Variants in CEP192 observed in about 807,000 individuals in gnomAD.
The protein encoded by CEP192 is centrosomal protein 192.
CEP192 carries 151 observed loss-of-function variants against 271.8 expected under a neutral mutation model. The observed-to-expected ratio is 0.56, with a 90% CI of 0.49 to 0.64. The LOEUF is 0.64. Among genes scored for constraint, CEP192 ranks in the 30% least tolerant of loss-of-function variants. The pLI, the probability that CEP192 is intolerant of heterozygous loss-of-function variation, is 0.00. For synonymous variants in CEP192, 995 were observed against 1,076.5 expected, an observed-to-expected ratio of 0.92 and a Z score of 1.48; for missense variants, 2,910 against 3,020.5, an observed-to-expected ratio of 0.96 and a Z score of 0.86.
chr18:13,124,220 G>A (rs779653985), intron 44 of CEP192, among the ~76,000 whole-genome samples: 2 of 152,108 alleles, frequency 1.3e-5, no homozygotes, highest in Non-Finnish European at 2.9e-5. Context: ...TAATGATAGG[G>A]TTGGGACAAG....
intron 30 of CEP192, among the ~76,000 whole-genome samples, chr18:13,080,013 G>C (rs1333112044): frequency 1.3e-5 from 2 of 152,136 alleles, no homozygotes; most frequent in African/African-American, 4.8e-5. Flanking sequence ...TTTGGTACCA[G>C]TACCATGCTG....
intron 36 of CEP192, among the ~76,000 whole-genome samples, chr18:13,098,232 C>T (rs1449902931): frequency 6.6e-6 from 1 of 151,942 alleles, no homozygotes; most frequent in African/African-American, 2.4e-5. Context: ...CGGGCAGAGG[C>T]ACCCCTCACC....
intron 30 of CEP192, among the ~76,000 whole-genome samples, chr18:13,082,775 A>G (rs1431303152): frequency 6.6e-6 from 1 of 151,998 alleles, no homozygotes; most frequent in Non-Finnish European, 1.5e-5. Flanking sequence ...GTTCCTTTCC[A>G]TGTTTAGTGC....
intron 40 of CEP192, among the ~76,000 whole-genome samples, chr18:13,106,555 AC>A (rs1383450667): frequency 1.4e-5 from 2 of 143,682 alleles, no homozygotes; most frequent in African/African-American, 5.5e-5. Context: ...CTCCCACACA[AC>A]CCTCAATAAC....
chr18:13,009,160 G>C, intron 4 of CEP192, among the ~76,000 whole-genome samples: 1 of 152,032 alleles, frequency 6.6e-6, no homozygotes, highest in South Asian at 2.1e-4. Flanking sequence ...TCCTGGCTTC[G>C]ATGTATTCAT....
intron 44 of CEP192, among the ~76,000 whole-genome samples, chr18:13,118,495 TC>T (rs2040530322): frequency 6.6e-6 from 1 of 152,184 alleles, no homozygotes; most frequent in Non-Finnish European, 1.5e-5. Flanking sequence ...TTCTTTTTAT[TC>T]GTTTATCTCT....
At chr18:13,006,190 C>T (rs1011961419) in intron 3 of CEP192, among the ~76,000 whole-genome samples, 8 of 151,578 alleles carry the variant, frequency 5.3e-5, no homozygotes, top group East Asian at 1.9e-4. Flanking sequence ...AAAAAGACAT[C>T]GTTCTAGGTA....
rs1212542163 is a variant in CEP192, at chr18:13,037,410, C to T, written c.1599+109C>T. On this transcript the variant is annotated intron_variant, in intron 12 of 44. Coordinates refer to ENST00000506447, the MANE Select transcript of CEP192 (RefSeq NM_032142.4). ...ATATATGGTTAGTATAGAATTATTT[C>T]ATATTTTTCTTATGGCTAGACAACT... The T allele has an allele frequency of 1.5e-5, 8 of 516,732 alleles. No individual in the cohort carries two copies. The East Asian group carries it at 2.6e-4, about 17-fold the overall frequency. 32.0% of individuals were successfully genotyped at this position (516,732 alleles called of 1,614,324 possible).
chr18:13,034,797 C>T (rs1452060554), intron 11 of CEP192, among the ~76,000 whole-genome samples: 2 of 143,660 alleles, frequency 1.4e-5, no homozygotes, highest in South Asian at 2.2e-4. Context: ...CCAGACTAGG[C>T]GACAGAGCAA....
Position 13,071,158 on chromosome 18 carries a change from T to C in CEP192, c.5294T>C (p.Ile1765Thr). ...SPGPCLDIPS[I>T]LSNKQFLAWG... ...GGACCTTGCTTAGATATTCCATCGA[T>C]TTTGTCCAACAAACAATTTCTGGCT... The change falls in exon 28 of 45, where the codon ATT (isoleucine) becomes ACT (threonine). Residue 1765 changes from isoleucine (I) to threonine (T), a missense_variant. Coordinates refer to ENST00000506447, the MANE Select transcript of CEP192 (RefSeq NM_032142.4). 1 of 1,614,202 alleles carries C rather than the reference T, an allele frequency of 6.2e-7. No homozygotes were observed. Among genetic ancestry groups the C allele is most frequent in the Non-Finnish European group, 8.5e-7 (1 of 1,180,030 alleles).
chr18:13,097,406 G>C (rs2039452046), intron 36 of CEP192, among the ~76,000 whole-genome samples: 2 of 152,092 alleles, frequency 1.3e-5, no homozygotes, highest in Non-Finnish European at 2.9e-5. Context: ...AAGCAGCCGG[G>C]TCATACGGAA....
chr18:13,025,278 A>G (rs1280044529), intron 9 of CEP192, among the ~76,000 whole-genome samples: 2 of 152,020 alleles, frequency 1.3e-5, no homozygotes, highest in East Asian at 3.9e-4. Context: ...GTGCAGTGGC[A>G]GGATTATAGC....
At chr18:13,027,921 G>C (rs2035395888) in intron 9 of CEP192, among the ~76,000 whole-genome samples, 1 of 151,184 alleles carries the variant, frequency 6.6e-6, no homozygotes, top group African/African-American at 2.4e-5. Context: ...ATCTTTATAT[G>C]TTTTAGGCTT....
chr18:13,016,588 G>C (rs1260266895), intron 6 of CEP192, among the ~76,000 whole-genome samples: 1 of 152,166 alleles, frequency 6.6e-6, no homozygotes, highest in Non-Finnish European at 1.5e-5. Flanking sequence ...TAGTATGCTG[G>C]ATTCTTGTAG....
chr18:13,016,274 C>T (rs935544838), intron 6 of CEP192, among the ~76,000 whole-genome samples: 2 of 152,190 alleles, frequency 1.3e-5, no homozygotes, highest in East Asian at 3.9e-4. Context: ...GAGGACATGT[C>T]AGGAAGCAGG....
At chr18:13,090,352 A>G (rs1015532086) in intron 33 of CEP192, among the ~76,000 whole-genome samples, 19 of 152,238 alleles carry the variant, frequency 1.2e-4, no homozygotes, top group Non-Finnish European at 1.3e-4. Flanking sequence ...TGAAGTTTGT[A>G]TAGTAAGATC....
intron 44 of CEP192, among the ~76,000 whole-genome samples, chr18:13,122,552 G>A (rs2040716557): frequency 6.6e-6 from 1 of 151,722 alleles, no homozygotes; most frequent in South Asian, 2.1e-4. Context: ...CTGCACTCCA[G>A]CTTGGGCGAC....
chr18:13,044,871 A>G (rs1057219636), intron 15 of CEP192, among the ~76,000 whole-genome samples: 4 of 152,172 alleles, frequency 2.6e-5, no homozygotes, highest in African/African-American at 9.6e-5. Context: ...GGTAGAATAC[A>G]TTGGTGAAAT....
chr18:13,102,000 A>G (rs1300479332), intron 38 of CEP192, among the ~76,000 whole-genome samples: 1 of 151,920 alleles, frequency 6.6e-6, no homozygotes, highest in Non-Finnish European at 1.5e-5. Context: ...CCAGGAGCCT[A>G]GCTCCTCCTG....
Sources: allele counts gnomAD v4.1 joint callset (sites outside exome capture counted in the v4.1 genomes callset), GRCh38; gene constraint gnomAD v4.1.1; transcripts MANE v1.5; gene names NCBI Gene and HGNC (gene_info 2026-07-23, HGNC 2026-07-21).